Variants in MKRN2 observed in about 807,000 individuals in gnomAD.
MKRN2 encodes makorin ring finger protein 2.
MKRN2 carries 32 observed loss-of-function variants against 45.4 expected under a neutral mutation model. The observed-to-expected ratio is 0.70, with a 90% CI of 0.53 to 0.95. The LOEUF is 0.95. MKRN2 is among the 40% of genes least tolerant of loss of function. The pLI is 0.00. For missense variants in MKRN2, 526 were observed against 536.7 expected, an observed-to-expected ratio of 0.98 and a Z score of 0.20; for synonymous variants, 206 against 192.4, an observed-to-expected ratio of 1.07 and a Z score of -0.59.
intron 2 of MKRN2, among the ~76,000 whole-genome samples, chr3:12,569,733 C>T (rs1264486862): frequency 2.0e-5 from 3 of 152,020 alleles, no homozygotes; most frequent in Non-Finnish European, 4.4e-5. Flanking sequence ...GACTCCTGCT[C>T]AAAAGAATAC....
chr3:12,568,211 C>G (rs2058080263), intron 1 of MKRN2, among the ~76,000 whole-genome samples: 1 of 152,132 alleles, frequency 6.6e-6, no homozygotes, highest in Non-Finnish European at 1.5e-5. Flanking sequence ...TCGCTTGAAC[C>G]CGGAAGGCAG....
At chr3:12,567,433 C>G (rs1575518350) in intron 1 of MKRN2, among the ~76,000 whole-genome samples, 1 of 147,240 alleles carries the variant, frequency 6.8e-6, no homozygotes, top group African/African-American at 2.5e-5. Flanking sequence ...CCATGCTAGG[C>G]TAATTTTTAA....
chr3:12,572,182 A>G lies in MKRN2; in HGVS notation c.451A>G (p.Ile151Val). 1 of 1,614,090 alleles carries G rather than the reference A, an allele frequency of 6.2e-7. No homozygotes were observed. Among genetic ancestry groups the G allele is most frequent in the Non-Finnish European group, 8.5e-7 (1 of 1,180,000 alleles). The change falls in exon 4 of 8, where the codon ATC (isoleucine) becomes GTC (valine). Residue 151 changes from isoleucine (I) to valine (V), a missense_variant. Ile to Val is a conservative substitution (Grantham distance 29, BLOSUM62 3). Transcript: ENST00000170447. ...GAAGCCGCATTCCTACCTGGATGCC[A>G]TCAGGAGTGGCCTTGATGACGTGGA... ...EMKPHSYLDA[I>V]RSGLDDVEAS...
chr3:12,566,067 T>A (rs2058067731), intron 1 of MKRN2, among the ~76,000 whole-genome samples: 1 of 152,112 alleles, frequency 6.6e-6, no homozygotes. Flanking sequence ...TTGCCCAGGC[T>A]GACCTCAAAC....
chr3:12,581,603 T>C (rs1559393151), intron 6 of MKRN2, among the ~76,000 whole-genome samples: 1 of 152,158 alleles, frequency 6.6e-6, no homozygotes, highest in Non-Finnish European at 1.5e-5. Flanking sequence ...GTGGGGATAC[T>C]TCCTATCCTG....
chr3:12,579,388 A>G (rs542718452), intron 6 of MKRN2, among the ~76,000 whole-genome samples: 43 of 152,156 alleles, frequency 2.8e-4, no homozygotes, highest in African/African-American at 8.2e-4. Flanking sequence ...GCTGGTCTTG[A>G]ACTCCTGGCC....
chr3:12,577,649 A>G (rs550334206), intron 6 of MKRN2, among the ~76,000 whole-genome samples: 27 of 150,428 alleles, frequency 1.8e-4, no homozygotes, highest in African/African-American at 5.6e-4. Flanking sequence ...GAGACTTAGG[A>G]TTCTGTTATG....
At position 12,581,872 on chromosome 3, in the gene MKRN2, T is replaced by C. The variant is rs1179063547; in HGVS notation, c.1033T>C (p.Tyr345His). Residue 345 changes from tyrosine (Y) to histidine (H), a missense_variant, in exon 7 of 8, where the codon TAT (tyrosine) becomes CAT (histidine). Physicochemically the swap from Tyr to His is moderately conservative, Grantham distance 83. Coordinates refer to ENST00000170447, the MANE Select transcript of MKRN2 (RefSeq NM_014160.5). Reference protein sequence around the residue: ...GTCPFGSKCLYRHAYPDGRLA... With the variant: ...GTCPFGSKCLHRHAYPDGRLA... ...CTGCCCATTTGGAAGCAAATGTCTT[T>C]ATCGCCATGCTTACCCCGATGGGCG... is the stretch of plus-strand genomic sequence containing the variant. 1 of 1,614,182 alleles carries C rather than the reference T, an allele frequency of 6.2e-7. No homozygotes were observed. Among genetic ancestry groups the C allele is most frequent in the Non-Finnish European group, 8.5e-7 (1 of 1,180,034 alleles).
intron 1 of MKRN2, among the ~76,000 whole-genome samples, chr3:12,566,839 G>T (rs1454611548): frequency 1.3e-5 from 2 of 152,014 alleles, no homozygotes; most frequent in Admixed American, 6.6e-5. Context: ...CTGACCTCTG[G>T]TCATCCACCC....
intron 1 of MKRN2, among the ~76,000 whole-genome samples, chr3:12,559,829 C>T (rs922785979): frequency 2.0e-5 from 3 of 152,192 alleles, no homozygotes; most frequent in Non-Finnish European, 4.4e-5. Context: ...AGCTTAGTAA[C>T]CAGTTTATTT....
intron 6 of MKRN2, 92 bp downstream of exon 6, chr3:12,576,833 T>C: frequency 1.2e-6 from 1 of 818,686 alleles, no homozygotes; most frequent in Non-Finnish European, 2.0e-6. Context: ...AGTGTGGTCT[T>C]AGGGGCCTCT....
chr3:12,565,122 T>A lies in MKRN2; in HGVS notation c.27-3753T>A, dbSNP rs375082395. Among the ~76,000 whole-genome samples, 15 of 152,364 alleles carry A rather than the reference T, an allele frequency of 9.8e-5. 1 individual carries two copies. Among genetic ancestry groups the A allele is most frequent in the Admixed American group, 7.2e-4 (11 of 15,300 alleles). ...ATTTGTGTGGACATAGATTTTCATT[T>A]TCTTGGGTACATACCTAGGCGTAGA... On this transcript the variant is annotated intron_variant, in intron 1 of 7. Transcript: ENST00000170447.
rs2058077584 is a variant in MKRN2, at chr3:12,567,699, C to T, written c.27-1176C>T. On this transcript the variant is annotated intron_variant, in intron 1 of 7. Coordinates refer to ENST00000170447, the MANE Select transcript of MKRN2 (RefSeq NM_014160.5). ...AGAGACGGGGTTTCTCCATGTTGGTCAGACTGGTCTGGAACCCCCGACCTC... is the reference window on the plus strand; with the variant it reads ...AGAGACGGGGTTTCTCCATGTTGGTTAGACTGGTCTGGAACCCCCGACCTC... 2.0e-5 allele frequency among the ~76,000 whole-genome samples: 3 copies of T among 152,048 alleles called. No homozygotes were observed. In the South Asian group the frequency reaches 6.2e-4, roughly 32 times the overall value.
intron 2 of MKRN2, among the ~76,000 whole-genome samples, chr3:12,569,787 G>T (rs1385550205): frequency 1.3e-5 from 2 of 152,134 alleles, no homozygotes; most frequent in African/African-American, 2.4e-5. Context: ...ACATCTGTTT[G>T]GAACTTTCAG....
chr3:12,557,773 TTAG>T (rs1403825764), intron 1 of MKRN2, among the ~76,000 whole-genome samples: 1 of 152,214 alleles, frequency 6.6e-6, no homozygotes, highest in East Asian at 1.9e-4. Context: ...GTAAGACAAC[TTAG>T]TAGTTATTAT....
At chr3:12,567,864 C>T (rs1399852894) in intron 1 of MKRN2, among the ~76,000 whole-genome samples, 2 of 152,062 alleles carry the variant, frequency 1.3e-5, no homozygotes, top group East Asian at 3.9e-4. Flanking sequence ...GTCTCTCTAC[C>T]CTGTCTGGAC....
At chr3:12,562,384 G>A (rs2058043422) in intron 1 of MKRN2, among the ~76,000 whole-genome samples, 1 of 152,206 alleles carries the variant, frequency 6.6e-6, no homozygotes, top group African/African-American at 2.4e-5. Flanking sequence ...CCTAAGGATA[G>A]CAGTCTCACA....
At chr3:12,562,401 G>A (rs2454422) in intron 1 of MKRN2, among the ~76,000 whole-genome samples, 90,363 of 152,162 alleles carry the variant, frequency 0.59, 29,893 homozygotes, top group African/African-American at 0.89. Context: ...CACATCTGCT[G>A]TGTAACTCTC....
Position 12,557,230 on chromosome 3 carries a change from C to A in MKRN2, c.26+54C>A, listed in dbSNP as rs1428183023. 11 of 1,516,120 alleles carry A rather than the reference C, an allele frequency of 7.3e-6. No homozygotes were observed. The East Asian group carries it at 2.9e-4, about 40-fold the overall frequency. The allele number at this position is 1,516,120 out of a possible 1,614,324, so 93.9% of individuals were successfully genotyped here. A position where few individuals can be genotyped will look rare whatever the true frequency, so the allele number is the denominator to read the frequency against. ...GCCGCTCCCCCAGGCCGCAGGGGGG[C>A]CGGTGCGCGCCAGTGCTGTGGTCCG... On this transcript the variant is annotated intron_variant, in intron 1 of 7. Transcript: ENST00000170447.
Sources: gnomAD v4.1 joint callset for allele counts (sites outside exome capture counted in the v4.1 genomes callset) on GRCh38, gnomAD v4.1.1 for gene constraint, MANE v1.5 for transcripts, NCBI Gene and HGNC (gene_info 2026-07-23, HGNC 2026-07-21) for gene names.